C12orf54: variants seen among roughly 807,000 people sequenced by gnomAD.
The protein encoded by C12orf54 is uncharacterized protein C12orf54.
A neutral mutation model predicts 26.4 loss-of-function variants in C12orf54; 24 were observed. The ratio of observed to expected loss-of-function variants is 0.91; its 90% CI spans 0.66 to 1.28. The LOEUF (loss-of-function observed/expected upper bound fraction) is 1.28. Ranked by LOEUF, C12orf54 falls within the 50% of genes most tolerant of loss-of-function variation. C12orf54 has a pLI of 0.00. For missense variants in C12orf54, 154 were observed against 150.9 expected, an observed-to-expected ratio of 1.02 and a Z score of -0.11; for synonymous variants, 54 against 47.0, an observed-to-expected ratio of 1.15 and a Z score of -0.61.
the C12orf54 span, among the ~76,000 whole-genome samples, chr12:48,472,360 C>T: frequency 4.0e-5 from 6 of 151,862 alleles, no homozygotes; most frequent in Non-Finnish European, 7.4e-5. Context: ...TATGGCGTGG[C>T]CTAGAGATGA....
the C12orf54 span, among the ~76,000 whole-genome samples, chr12:48,425,765 G>A: frequency 2.0e-5 from 3 of 151,958 alleles, no homozygotes; most frequent in African/African-American, 7.3e-5. Context: ...TTTAATAGTA[G>A]CCATTCTGAC....
At chr12:48,428,831 C>T in the C12orf54 span, among the ~76,000 whole-genome samples, 2,780 of 151,724 alleles carry the variant, frequency 0.018, 83 homozygotes, top group African/African-American at 0.061. Flanking sequence ...GCCAGCATCA[C>T]GCTAATACCA....
upstream of C12orf54, among the ~76,000 whole-genome samples, chr12:48,481,195 A>G (rs1954194398): frequency 8.0e-6 from 1 of 124,308 alleles, no homozygotes; most frequent in Non-Finnish European, 1.6e-5. Context: ...CAAAATAAAA[A>G]TAGAGTTTTT....
the C12orf54 span, among the ~76,000 whole-genome samples, chr12:48,458,531 G>T: frequency 1.3e-5 from 2 of 152,068 alleles, no homozygotes; most frequent in South Asian, 4.1e-4. Context: ...TCACCCAAAC[G>T]TTACTGTTAA....
chr12:48,480,255 T>A (rs1276207242), upstream of C12orf54, among the ~76,000 whole-genome samples: 2 of 152,170 alleles, frequency 1.3e-5, no homozygotes, highest in Admixed American at 6.5e-5. Context: ...CACAAAAAAA[T>A]TACTTTTAAG....
chr12:48,433,795 G>A, the C12orf54 span, among the ~76,000 whole-genome samples: 4 of 152,052 alleles, frequency 2.6e-5, no homozygotes, highest in African/African-American at 4.8e-5. Context: ...AGCCAAGATG[G>A]CCAAATAGGA....
chr12:48,456,044 A>C, the C12orf54 span, among the ~76,000 whole-genome samples: 1 of 152,232 alleles, frequency 6.6e-6, no homozygotes, highest in Admixed American at 6.5e-5. Flanking sequence ...AAGAGCATAT[A>C]AAGCTCTTAG....
the C12orf54 span, among the ~76,000 whole-genome samples, chr12:48,452,172 A>G: frequency 1.3e-5 from 2 of 152,190 alleles, no homozygotes; most frequent in African/African-American, 4.8e-5. Flanking sequence ...GAACCCAGAA[A>G]TAAGACCACA....
the C12orf54 span, among the ~76,000 whole-genome samples, chr12:48,463,496 C>A: frequency 6.6e-6 from 1 of 151,618 alleles, no homozygotes; most frequent in Non-Finnish European, 1.5e-5. Flanking sequence ...ACCAGAGATA[C>A]AAAGAAGAGC....
chr12:48,466,825 A>T, the C12orf54 span, among the ~76,000 whole-genome samples: 1 of 152,100 alleles, frequency 6.6e-6, no homozygotes, highest in African/African-American at 2.4e-5. Flanking sequence ...CAGCCATTCC[A>T]CTCCTATTTA....
chr12:48,491,477 C>T (rs1027392601), intron 6 of C12orf54, among the ~76,000 whole-genome samples: 2 of 152,160 alleles, frequency 1.3e-5, no homozygotes, highest in South Asian at 2.1e-4. Flanking sequence ...GTCTACAGCA[C>T]GTGGACAGGG....
At chr12:48,450,375 A>G in the C12orf54 span, among the ~76,000 whole-genome samples, 6 of 152,150 alleles carry the variant, frequency 3.9e-5, no homozygotes, top group African/African-American at 1.4e-4. Context: ...GCCCACATCA[A>G]AAAGCTAAAA....
intron 4 of C12orf54, chr12:48,488,400 AG>A (rs1159105767): frequency 2.1e-6 from 1 of 466,724 alleles, no homozygotes; most frequent in African/African-American, 2.0e-5. Flanking sequence ...ATTCCAGTTT[AG>A]AGGTGGATTT....
At chr12:48,475,669 A>T in the C12orf54 span, among the ~76,000 whole-genome samples, 2 of 152,336 alleles carry the variant, frequency 1.3e-5, no homozygotes, top group East Asian at 3.9e-4. Context: ...AAATGAATGA[A>T]ATGAAGCAAG....
chr12:48,472,649 A>G, the C12orf54 span: 1 of 1,613,832 alleles, frequency 6.2e-7, no homozygotes, highest in Non-Finnish European at 8.5e-7. Flanking sequence ...GAGCCTCTGC[A>G]GAGAAAGCGT....
At chr12:48,470,943 A>G in the C12orf54 span, among the ~76,000 whole-genome samples, 8 of 152,178 alleles carry the variant, frequency 5.3e-5, no homozygotes, top group Non-Finnish European at 1.0e-4. Context: ...CATCCCCAGA[A>G]GCATTTATCT....
At chr12:48,430,576 G>A in the C12orf54 span, among the ~76,000 whole-genome samples, 2 of 152,078 alleles carry the variant, frequency 1.3e-5, no homozygotes, top group African/African-American at 4.8e-5. Context: ...TCAGAGAAAT[G>A]CAAATCAAAA....
chr12:48,447,343 G>A, the C12orf54 span, among the ~76,000 whole-genome samples: 1 of 152,152 alleles, frequency 6.6e-6, no homozygotes, highest in Non-Finnish European at 1.5e-5. Context: ...CTCCAGAACA[G>A]TGAGCATATA....
At chr12:48,456,133 T>C in the C12orf54 span, among the ~76,000 whole-genome samples, 1 of 152,308 alleles carries the variant, frequency 6.6e-6, no homozygotes, top group African/African-American at 2.4e-5. Context: ...CTCAACGAAG[T>C]AGGGAAAACA....
Sources: gnomAD v4.1 joint callset for allele counts (sites outside exome capture counted in the v4.1 genomes callset) on GRCh38, gnomAD v4.1.1 for gene constraint, MANE v1.5 for transcripts, NCBI Gene and HGNC (gene_info 2026-07-23, HGNC 2026-07-21) for gene names.